The following PRKCA variants were observed in gnomAD, a reference collection of about 807,000 sequenced individuals.
PRKCA encodes protein kinase C alpha type.
In PRKCA, 27 loss-of-function variants were observed where a neutral mutation model predicts 87.0. The observed-to-expected ratio is 0.31, with a 90% CI of 0.23 to 0.43. The LOEUF (loss-of-function observed/expected upper bound fraction) is 0.43, where lower values mean the gene tolerates loss of function less well. Among genes scored for constraint, PRKCA ranks in the 20% least tolerant of loss-of-function variants. The pLI is 1.00. For missense variants in PRKCA, 518 were observed against 852.3 expected, an observed-to-expected ratio of 0.61 and a Z score of 4.88; for synonymous variants, 329 against 311.1, an observed-to-expected ratio of 1.06 and a Z score of -0.61.
At position 66,608,803 on chromosome 17, in the gene PRKCA, G is replaced by A. The variant is rs139903688; in HGVS notation, c.289-32552G>A. 1.7e-3 allele frequency among the ~76,000 whole-genome samples: 265 copies of A among 152,292 alleles called. 1 individual carries two copies. The highest frequency in any genetic ancestry group is 6.1e-3 in the African/African-American group (255 of 41,556). ...AAATAGGCCAAGAGTTGATTGTTGT[G>A]TTAGCTGGTAATGGGTACTTAGGGA... is the stretch of plus-strand genomic sequence containing the variant. On this transcript the variant is annotated intron_variant, in intron 3 of 16. Transcript: ENST00000413366.
At chr17:66,801,092 C>A (rs1198851094) in intron 16 of PRKCA, among the ~76,000 whole-genome samples, 6 of 152,192 alleles carry the variant, frequency 3.9e-5, no homozygotes, top group African/African-American at 1.2e-4. Context: ...AATGCTTTTG[C>A]CTTGTGACTT....
At chr17:66,594,730 C>A (rs191908802) in intron 3 of PRKCA, among the ~76,000 whole-genome samples, 6 of 152,256 alleles carry the variant, frequency 3.9e-5, no homozygotes, top group African/African-American at 1.4e-4. Flanking sequence ...GAACCCAGCT[C>A]CTCTCTACCA....
chr17:66,490,532 G>C (rs766798101), intron 2 of PRKCA, among the ~76,000 whole-genome samples: 47 of 151,846 alleles, frequency 3.1e-4, no homozygotes, highest in South Asian at 8.3e-4. Flanking sequence ...TTTTAGTAGA[G>C]ACGGGGTTTC....
At chr17:66,398,770 G>T (rs1261672387) in intron 2 of PRKCA, among the ~76,000 whole-genome samples, 1 of 152,164 alleles carries the variant, frequency 6.6e-6, no homozygotes, top group African/African-American at 2.4e-5. Context: ...ATGTTCTTTT[G>T]ATAAGTAAAA....
At chr17:66,353,581 T>C (rs1481936772) in intron 2 of PRKCA, among the ~76,000 whole-genome samples, 1 of 152,270 alleles carries the variant, frequency 6.6e-6, no homozygotes, top group East Asian at 1.9e-4. Context: ...CCGGGTGTGG[T>C]GGCCTGCTCC....
intron 2 of PRKCA, among the ~76,000 whole-genome samples, chr17:66,473,361 C>T (rs1479255243): frequency 1.3e-5 from 2 of 152,284 alleles, no homozygotes; most frequent in South Asian, 2.1e-4. Context: ...TCACATGAAA[C>T]ACTCTCCTAC....
chr17:66,531,448 C>T (rs1439080394), intron 3 of PRKCA, among the ~76,000 whole-genome samples: 4 of 152,210 alleles, frequency 2.6e-5, no homozygotes, highest in Admixed American at 2.0e-4. Flanking sequence ...CAGAACTCCC[C>T]CATTGACCCT....
At chr17:66,409,978 C>G (rs1911678720) in intron 2 of PRKCA, among the ~76,000 whole-genome samples, 1 of 152,164 alleles carries the variant, frequency 6.6e-6, no homozygotes, top group African/African-American at 2.4e-5. Context: ...TCGTGCTGGT[C>G]TGTCATCATC....
At chr17:66,624,329 G>C (rs140681527) in intron 3 of PRKCA, among the ~76,000 whole-genome samples, 10 of 152,230 alleles carry the variant, frequency 6.6e-5, no homozygotes, top group African/African-American at 2.4e-4. Flanking sequence ...ATCTTGGCCA[G>C]TTATCTCCAG....
Position 66,746,256 on chromosome 17 carries a change from G to A in PRKCA, c.1524+3496G>A, listed in dbSNP as rs574935883. 3.4e-5 allele frequency among the ~76,000 whole-genome samples: 5 copies of A among 147,904 alleles called. No homozygotes were observed. The South Asian group carries it at 8.7e-4, about 26-fold the overall frequency. ...CAGCCTCAACTTCCTGGGCTCAGGG[G>A]ATCCTCCTGCCTCAGTCCATAGGTT... is the stretch of plus-strand genomic sequence containing the variant. On this transcript the variant is annotated intron_variant, in intron 13 of 16. Transcript: ENST00000413366.
At chr17:66,315,705 C>T (rs570531536) in intron 2 of PRKCA, among the ~76,000 whole-genome samples, 1 of 152,246 alleles carries the variant, frequency 6.6e-6, no homozygotes, top group East Asian at 1.9e-4. Context: ...GTGTTGAACT[C>T]CTGACCTCAG....
rs372449818 is a variant in PRKCA at position 66,741,731 on chromosome 17, G to C, written c.1385+10G>C. 1 of 1,613,522 alleles carries C rather than the reference G, an allele frequency of 6.2e-7. No individual in the cohort carries two copies. Among genetic ancestry groups the C allele is most frequent in the Admixed American group, 1.7e-5 (1 of 60,002 alleles). On this transcript the variant is annotated intron_variant, in intron 12 of 16. Transcript: ENST00000413366. The stretch of plus-strand genomic sequence containing the variant: ...GAGGAATCATTTATAGGTGTGTATT[G>C]AAGCCCTCCTACCAGCAGCTCAGCA...
chr17:66,512,499 TCTTTC>T (rs1379968816), intron 3 of PRKCA, among the ~76,000 whole-genome samples: 1 of 62 alleles, frequency 0.016, no homozygotes, highest in Admixed American at 0.1. Context: ...TGTATTTCTT[TCTTTC>T]CCTTGGTCCA....
chr17:66,588,147 A>C (rs970729552), intron 3 of PRKCA, among the ~76,000 whole-genome samples: 1 of 152,050 alleles, frequency 6.6e-6, no homozygotes, highest in South Asian at 2.1e-4. Context: ...TATCAGGTTG[A>C]CCAAAAAGAT....
At chr17:66,514,490 A>AGCG (rs1172850419) in intron 3 of PRKCA, among the ~76,000 whole-genome samples, 2 of 152,162 alleles carry the variant, frequency 1.3e-5, no homozygotes, top group Non-Finnish European at 2.9e-5. Context: ...AACCTGACTA[A>AGCG]GCAGCGACTT....
chr17:66,428,534 C>G (rs181074700), intron 2 of PRKCA, among the ~76,000 whole-genome samples: 1 of 149,098 alleles, frequency 6.7e-6, no homozygotes, highest in East Asian at 2.0e-4. Flanking sequence ...GATAGAATCT[C>G]GCTCTGTCAC....
chr17:66,635,051 A>G (rs1235303078), intron 3 of PRKCA, among the ~76,000 whole-genome samples: 1 of 152,180 alleles, frequency 6.6e-6, no homozygotes, highest in Admixed American at 6.5e-5. Flanking sequence ...GACTTCCTGG[A>G]GGAGGAAGGA....
At chr17:66,771,206 T>A in intron 13 of PRKCA, among the ~76,000 whole-genome samples, 1 of 152,160 alleles carries the variant, frequency 6.6e-6, no homozygotes, top group Admixed American at 6.5e-5. Flanking sequence ...GGTTTCACCA[T>A]GTTGGCCAGG....
intron 4 of PRKCA, 76 bp downstream of exon 4, chr17:66,641,542 C>G: frequency 9.4e-7 from 1 of 1,062,396 alleles, no homozygotes; most frequent in Non-Finnish European, 1.4e-6. Context: ...AAGGAAGGCT[C>G]AGTAACTTTT....
Sources: allele counts gnomAD v4.1 joint callset (sites outside exome capture counted in the v4.1 genomes callset), GRCh38; gene constraint gnomAD v4.1.1; transcripts MANE v1.5; gene names NCBI Gene and HGNC (gene_info 2026-07-23, HGNC 2026-07-21).